HIBADH: variants seen among roughly 807,000 people sequenced by gnomAD.
The protein encoded by HIBADH is 3-hydroxyisobutyrate dehydrogenase, mitochondrial.
Under a neutral mutation model 36.1 loss-of-function variants are expected in HIBADH, and 25 were observed. The ratio of observed to expected loss-of-function variants is 0.69; its 90% confidence interval spans 0.50 to 0.97. The LOEUF (loss-of-function observed/expected upper bound fraction) is 0.97. HIBADH is among the 50% of genes least tolerant of loss of function. HIBADH has a pLI of 0.00. For missense variants in HIBADH, 421 were observed against 418.0 expected (o/e 1.01, Z -0.06); for synonymous variants, 160 against 149.5 (o/e 1.07, Z -0.51).
In HIBADH at chr7:27,649,635, T is replaced by C; in HGVS notation, c.92-2A>G. ...TTGAAGCCACTGACCTAGAACACAC[T>C]GATTTCAATACATTATTTTCAATAG... On this transcript the variant is annotated splice_acceptor_variant, in intron 1 of 7. Transcript: ENST00000265395. LOFTEE classifies it high-confidence loss of function. 1.3e-6 allele frequency: 2 copies of C among 1,588,206 alleles called. No homozygotes were observed. Among genetic ancestry groups the C allele is most frequent in the Non-Finnish European group, 1.7e-6 (2 of 1,166,840 alleles).
chr7:27,578,054 A>T (rs993943033), intron 4 of HIBADH, among the ~76,000 whole-genome samples: 2 of 152,248 alleles, frequency 1.3e-5, no homozygotes, highest in Non-Finnish European at 2.9e-5. Context: ...TCCATTGTTC[A>T]TTAGAATGAA....
intron 4 of HIBADH, among the ~76,000 whole-genome samples, chr7:27,599,067 A>G (rs920989368): frequency 2.0e-5 from 3 of 152,140 alleles, no homozygotes; most frequent in African/African-American, 7.2e-5. Context: ...TTACAATGAT[A>G]TGTGATTGCT....
chr7:27,556,728 G>C (rs1784393363), intron 4 of HIBADH, among the ~76,000 whole-genome samples: 1 of 152,088 alleles, frequency 6.6e-6, no homozygotes, highest in South Asian at 2.1e-4. Context: ...AGGTCTGTTT[G>C]GGGACTTAAC....
At chr7:27,615,262 G>A (rs1412141511) in intron 4 of HIBADH, among the ~76,000 whole-genome samples, 2 of 152,192 alleles carry the variant, frequency 1.3e-5, no homozygotes, top group Admixed American at 6.5e-5. Flanking sequence ...GGAGGAAGGT[G>A]TGACATAGTG....
intron 4 of HIBADH, among the ~76,000 whole-genome samples, chr7:27,617,683 A>C (rs758929130): frequency 6.6e-6 from 1 of 152,200 alleles, no homozygotes; most frequent in Non-Finnish European, 1.5e-5. Context: ...CTATTACAGG[A>C]AAACGGTAAG....
intron 4 of HIBADH, among the ~76,000 whole-genome samples, chr7:27,545,259 G>A (rs1208191231): frequency 6.6e-6 from 1 of 151,928 alleles, no homozygotes; most frequent in African/African-American, 2.4e-5. Context: ...TGGGCAACAC[G>A]GCGAAACCGT....
intron 7 of HIBADH, among the ~76,000 whole-genome samples, chr7:27,526,861 G>GT (rs1437495693): frequency 6.6e-6 from 1 of 152,132 alleles, no homozygotes; most frequent in Non-Finnish European, 1.5e-5. Flanking sequence ...CTCACATTGT[G>GT]TTAAGGAGAA....
At chr7:27,623,054 A>T (rs1015054080) in intron 4 of HIBADH, among the ~76,000 whole-genome samples, 2 of 152,190 alleles carry the variant, frequency 1.3e-5, no homozygotes, top group Admixed American at 1.3e-4. Context: ...TATCAAAAAG[A>T]TAATACAACA....
At chr7:27,613,390 G>C (rs1328981782) in intron 4 of HIBADH, among the ~76,000 whole-genome samples, 1 of 126,442 alleles carries the variant, frequency 7.9e-6, no homozygotes, top group Non-Finnish European at 1.7e-5. Flanking sequence ...GACAGATAAA[G>C]CACAACAACA....
chr7:27,558,784 C>T (rs1396250289), intron 4 of HIBADH, among the ~76,000 whole-genome samples: 2 of 152,200 alleles, frequency 1.3e-5, no homozygotes, highest in Non-Finnish European at 2.9e-5. Flanking sequence ...GGCCAAATCG[C>T]ATTCAGGAAA....
chr7:27,568,309 T>C (rs1269933983), intron 4 of HIBADH, among the ~76,000 whole-genome samples: 2 of 152,216 alleles, frequency 1.3e-5, no homozygotes, highest in Non-Finnish European at 2.9e-5. Context: ...TTTTGTCACA[T>C]ATAAAATTCT....
rs542766684 is a variant in HIBADH at position 27,617,506 on chromosome 7, A to G, written c.484+11865T>C. Reference sequence around the variant, plus strand: ...AAATGGCTGACGACAGATACCAGACAGCCACCCTCTCCAGAAAGAAGAGCC... The same window carrying G: ...AAATGGCTGACGACAGATACCAGACGGCCACCCTCTCCAGAAAGAAGAGCC... On this transcript the variant is annotated intron_variant, in intron 4 of 7. Coordinates refer to ENST00000265395, the MANE Select transcript of HIBADH (RefSeq NM_152740.4). Among the ~76,000 whole-genome samples, 9 of 152,310 alleles carry G rather than the reference A, an allele frequency of 5.9e-5. No homozygotes were observed. The South Asian group carries it at 1.9e-3, about 32-fold the overall frequency.
chr7:27,580,483 AC>A (rs1784772155), intron 4 of HIBADH, among the ~76,000 whole-genome samples: 1 of 152,242 alleles, frequency 6.6e-6, no homozygotes, highest in African/African-American at 2.4e-5. Context: ...GAGGATAGTT[AC>A]AGTAAATCAG....
At chr7:27,645,372 T>TTTTTTG (rs1786046285) in intron 2 of HIBADH, among the ~76,000 whole-genome samples, 1 of 118,906 alleles carries the variant, frequency 8.4e-6, no homozygotes, top group African/African-American at 3.5e-5. Context: ...GTTTTGATTT[T>TTTTTTG]TTTTTTTTTT....
At position 27,594,496 on chromosome 7, in the gene HIBADH, A is replaced by G. The variant is rs115692736; in HGVS notation, c.484+34875T>C. On this transcript the variant is annotated intron_variant, in intron 4 of 7. Transcript: ENST00000265395. Reference sequence around the variant, plus strand: ...GACACACAAAAAGAAATCAATGAGTATATCTTATTCTTAAATAGAAAGATT... The same window carrying G: ...GACACACAAAAAGAAATCAATGAGTGTATCTTATTCTTAAATAGAAAGATT... 3.5e-3 allele frequency among the ~76,000 whole-genome samples: 528 copies of G among 152,360 alleles called. 3 individuals are homozygous for G. The highest frequency in any genetic ancestry group is 0.012 in the African/African-American group (511 of 41,584).
chr7:27,539,238 G>A (rs1191870048), intron 5 of HIBADH, among the ~76,000 whole-genome samples: 1 of 152,128 alleles, frequency 6.6e-6, no homozygotes, highest in East Asian at 1.9e-4. Context: ...GAGACTATTA[G>A]GCCCCCTGAC....
chr7:27,563,359 A>G (rs1173547007), intron 4 of HIBADH, among the ~76,000 whole-genome samples: 1 of 152,192 alleles, frequency 6.6e-6, no homozygotes, highest in East Asian at 1.9e-4. Flanking sequence ...ATTCAGGTAC[A>G]GGTTTTTGTG....
intron 4 of HIBADH, among the ~76,000 whole-genome samples, chr7:27,599,607 G>A (rs924837886): frequency 2.0e-5 from 3 of 149,248 alleles, no homozygotes; most frequent in South Asian, 2.1e-4. Context: ...GCGTGAACCC[G>A]GGAGGCGGAG....
At chr7:27,646,433 G>A (rs1219155235) in intron 2 of HIBADH, among the ~76,000 whole-genome samples, 1 of 152,148 alleles carries the variant, frequency 6.6e-6, no homozygotes, top group Non-Finnish European at 1.5e-5. Flanking sequence ...CCCCTCCTCT[G>A]AGAGGTATAC....
Sources: allele counts gnomAD v4.1 joint callset (sites outside exome capture counted in the v4.1 genomes callset), GRCh38; gene constraint gnomAD v4.1.1; transcripts MANE v1.5; gene names NCBI Gene and HGNC (gene_info 2026-07-23, HGNC 2026-07-21).